DIP2C: variants seen among roughly 807,000 people sequenced by gnomAD.
The protein encoded by DIP2C is disco-interacting protein 2 homolog C.
In DIP2C, 33 loss-of-function variants were observed where a neutral mutation model predicts 192.4. The observed-to-expected ratio is 0.17, with a 90% CI of 0.13 to 0.23. DIP2C has a LOEUF of 0.23. DIP2C is among the 10% of genes least tolerant of loss of function. The probability of loss-of-function intolerance (pLI) is 1.00; values close to 1 mark genes in which losing one functional copy is unlikely to be tolerated. For missense variants in DIP2C, 1,537 were observed against 2,110.1 expected (o/e 0.73, Z 5.32); for synonymous variants, 979 against 864.1 (o/e 1.13, Z -2.33).
intron 1 of DIP2C, among the ~76,000 whole-genome samples, chr10:674,626 G>A (rs902555447): frequency 2.4e-4 from 37 of 151,622 alleles, no homozygotes; most frequent in Admixed American, 7.9e-4. Context: ...AAAATTAACC[G>A]AGCATGGTGG....
At chr10:661,616 T>C (rs1220008215) in intron 1 of DIP2C, among the ~76,000 whole-genome samples, 3 of 152,190 alleles carry the variant, frequency 2.0e-5, no homozygotes, top group African/African-American at 7.2e-5. Flanking sequence ...GCAGCTCTTC[T>C]CTGGACTCTA....
At chr10:614,730 T>C (rs888753258) in intron 1 of DIP2C, among the ~76,000 whole-genome samples, 5 of 152,230 alleles carry the variant, frequency 3.3e-5, no homozygotes, top group Non-Finnish European at 7.3e-5. Context: ...TTTATTCTAA[T>C]GAAATTTAAA....
intron 24 of DIP2C, among the ~76,000 whole-genome samples, chr10:354,989 G>A (rs77886035): frequency 1.8e-4 from 28 of 152,088 alleles, no homozygotes; most frequent in African/African-American, 6.3e-4. Context: ...AGCAAAGGGG[G>A]TATCATCCAT....
At chr10:467,566 A>T (rs1178459208) in intron 3 of DIP2C, among the ~76,000 whole-genome samples, 3 of 9,094 alleles carry the variant, frequency 3.3e-4, no homozygotes, top group South Asian at 0.029. Flanking sequence ...ATTTAAGTGT[A>T]AAAAAAAAAA....
intron 1 of DIP2C, among the ~76,000 whole-genome samples, chr10:575,173 G>C (rs913412956): frequency 8.5e-5 from 13 of 152,166 alleles, no homozygotes; most frequent in African/African-American, 2.9e-4. Flanking sequence ...AACTACTCCA[G>C]GGCATGATTC....
At chr10:617,661 C>CCG (rs1554756625) in intron 1 of DIP2C, among the ~76,000 whole-genome samples, 1 of 150,440 alleles carries the variant, frequency 6.6e-6, no homozygotes, top group East Asian at 2.0e-4. Context: ...TACCACCCCC[C>CCG]CACCCCCACC....
chr10:279,524 C>CAACT (rs1435858336), intron 36 of DIP2C, among the ~76,000 whole-genome samples: 3 of 152,184 alleles, frequency 2.0e-5, no homozygotes, highest in African/African-American at 7.2e-5. Context: ...ATGCTGAGAA[C>CAACT]AACTGATGAG....
rs142640019 is a variant in DIP2C, at chr10:370,259, G to A, written c.1992-626C>T. ...TTGTGGGTCAGGAGAAGACGGGTCC[G>A]CATAAGGCAGTTTTCAGAAGACCAC... On this transcript the variant is annotated intron_variant, in intron 17 of 36. Transcript: ENST00000280886. Among the ~76,000 whole-genome samples, 85 of 152,350 alleles carry A rather than the reference G, an allele frequency of 5.6e-4. 1 individual carries two copies. The highest frequency in any genetic ancestry group is 1.9e-3 in the African/African-American group (80 of 41,586).
chr10:631,642 G>A (rs1413640344), intron 1 of DIP2C, among the ~76,000 whole-genome samples: 1 of 152,124 alleles, frequency 6.6e-6, no homozygotes, highest in Admixed American at 6.5e-5. Context: ...TTTTTATATA[G>A]AGACAAATCT....
chr10:395,122 G>C (rs534254461), intron 10 of DIP2C, among the ~76,000 whole-genome samples: 5 of 109,752 alleles, frequency 4.6e-5, no homozygotes, highest in Non-Finnish European at 9.7e-5. Flanking sequence ...GTTGGGGGGA[G>C]GGAGGAGTTG....
intron 29 of DIP2C, among the ~76,000 whole-genome samples, chr10:334,418 A>C (rs905186452): frequency 2.0e-5 from 3 of 151,528 alleles, no homozygotes; most frequent in Non-Finnish European, 4.4e-5. Flanking sequence ...CTTTCTACTT[A>C]ATTCTGTCTT....
intron 1 of DIP2C, among the ~76,000 whole-genome samples, chr10:678,815 C>T (rs1174259894): frequency 3.3e-5 from 4 of 120,618 alleles, no homozygotes; most frequent in African/African-American, 1.1e-4. Context: ...CCATGCTCCC[C>T]GCGCCCATGC....
chr10:534,923 G>A (rs1043327925), intron 1 of DIP2C, among the ~76,000 whole-genome samples: 46 of 151,896 alleles, frequency 3.0e-4, no homozygotes, highest in Non-Finnish European at 4.7e-4. Flanking sequence ...TGATCCACCC[G>A]CCTCGGCCTC....
At chr10:597,736 C>T (rs1851800343) in intron 1 of DIP2C, among the ~76,000 whole-genome samples, 1 of 152,128 alleles carries the variant, frequency 6.6e-6, no homozygotes, top group Admixed American at 6.5e-5. Flanking sequence ...TACTTCTGTC[C>T]CTTCATGTTT....
At chr10:535,853 T>A (rs913484596) in intron 1 of DIP2C, among the ~76,000 whole-genome samples, 2 of 152,256 alleles carry the variant, frequency 1.3e-5, no homozygotes, top group African/African-American at 4.8e-5. Flanking sequence ...CAGTGTACTC[T>A]GAGAATTAGG....
At chr10:585,984 G>C (rs988920867) in intron 1 of DIP2C, among the ~76,000 whole-genome samples, 1 of 152,176 alleles carries the variant, frequency 6.6e-6, no homozygotes, top group Non-Finnish European at 1.5e-5. Flanking sequence ...GACGCTTCTT[G>C]CAGTGTCTCA....
At chr10:591,738 T>G (rs1851414767) in intron 1 of DIP2C, among the ~76,000 whole-genome samples, 1 of 151,726 alleles carries the variant, frequency 6.6e-6, no homozygotes, top group African/African-American at 2.4e-5. Context: ...TAACCGAGAC[T>G]CCAAATAAAA....
At chr10:581,801 C>G (rs1813012691) in intron 1 of DIP2C, among the ~76,000 whole-genome samples, 3 of 152,128 alleles carry the variant, frequency 2.0e-5, no homozygotes, top group Admixed American at 1.3e-4. Context: ...AATCCCCCAC[C>G]TTTCAAAATC....
Position 309,830 on chromosome 10 carries a change from C to T in DIP2C, c.3986+201G>A, listed in dbSNP as rs573615226. Among the ~76,000 whole-genome samples the T allele has an allele frequency of 8.5e-5, 13 of 152,220 alleles. No individual in the cohort carries two copies. In the East Asian group the frequency reaches 2.1e-3, roughly 25 times the overall value. ...CCTCCCAAATACCTGGGATTACAGG[C>T]GTGAGCCACCATGCCTGGCCAGAGT... On this transcript the variant is annotated intron_variant, in intron 32 of 36. Coordinates refer to ENST00000280886, the MANE Select transcript of DIP2C (RefSeq NM_014974.3).
Sources: gnomAD v4.1 joint callset for allele counts (sites outside exome capture counted in the v4.1 genomes callset) on GRCh38, gnomAD v4.1.1 for gene constraint, MANE v1.5 for transcripts, NCBI Gene and HGNC (gene_info 2026-07-23, HGNC 2026-07-21) for gene names.